Variants in RBFOX1 observed in about 807,000 individuals in gnomAD.
RBFOX1 encodes RNA binding fox-1 homolog 1.
In RBFOX1, 8 loss-of-function variants were observed where a neutral mutation model predicts 57.7. That is an observed-to-expected ratio of 0.14 (90% confidence interval 0.08 to 0.25). The LOEUF is 0.25. Ranked by LOEUF, RBFOX1 falls within the 10% of genes least tolerant of loss-of-function variation. RBFOX1 has a pLI of 1.00. For synonymous variants in RBFOX1, 326 were observed against 222.4 expected (o/e 1.47, Z -4.15); for missense variants, 611 against 548.5 (o/e 1.11, Z -1.14).
Position 7,504,746 on chromosome 16 carries a change from TATA to T in RBFOX1, c.28-13400_28-13398del, listed in dbSNP as rs2072425592. On this transcript the variant is annotated intron_variant, in intron 4 of 15. Transcript: ENST00000550418. ...ATATATATATATATATATATATATA[TATA>T]TATATTTATATATATATATATTTAT... Among the ~76,000 whole-genome samples, 2 of 13,910 alleles carry T rather than the reference TATA, an allele frequency of 1.4e-4. 1 individual carries two copies. The highest frequency in any genetic ancestry group is 4.4e-4 in the African/African-American group (2 of 4,570). The allele number at this position is 13,910 out of a possible 152,430, so 9.1% of individuals were successfully genotyped here.
At chr16:6,739,664 G>T (rs1488900026) in intron 3 of RBFOX1, among the ~76,000 whole-genome samples, 1 of 152,096 alleles carries the variant, frequency 6.6e-6, no homozygotes, top group African/African-American at 2.4e-5. Context: ...ATCACATGAG[G>T]TCACGAGTTC....
intron 4 of RBFOX1, among the ~76,000 whole-genome samples, chr16:7,307,670 G>T (rs550061908): frequency 3.9e-5 from 6 of 152,242 alleles, no homozygotes; most frequent in South Asian, 4.1e-4. Flanking sequence ...ATGCTAAATA[G>T]TTTTTTTGGC....
intron 3 of RBFOX1, among the ~76,000 whole-genome samples, chr16:6,867,858 G>C (rs771036742): frequency 8.5e-5 from 13 of 152,132 alleles, no homozygotes; most frequent in Non-Finnish European, 1.5e-4. Flanking sequence ...GCTGACAGGT[G>C]TCCCAGTTTC....
At position 5,919,665 on chromosome 16, in the gene RBFOX1, T is replaced by C. The variant is rs188300774; in HGVS notation, c.351+52330T>C. Among the ~76,000 whole-genome samples, 10 of 152,170 alleles carry C rather than the reference T, an allele frequency of 6.6e-5. No homozygotes were observed. The East Asian group carries it at 1.7e-3, about 27-fold the overall frequency. On this transcript the variant is annotated intron_variant, in intron 4 of 19. Coordinates refer to the RBFOX1 transcript ENST00000641259. Reference sequence around the variant, plus strand: ...AGTTAACCATTTTAAAGCGTATAATTCCATGGTATTTAGTGCATTCACAAG... The same window carrying C: ...AGTTAACCATTTTAAAGCGTATAATCCCATGGTATTTAGTGCATTCACAAG...
intron 2 of RBFOX1, among the ~76,000 whole-genome samples, chr16:5,535,843 G>C (rs977306185): frequency 6.6e-6 from 1 of 152,196 alleles, no homozygotes; most frequent in Non-Finnish European, 1.5e-5. Flanking sequence ...AGACATTTCT[G>C]AGATACTATC....
In RBFOX1 at chr16:6,029,751, C is replaced by T. The variant is rs540475935; in HGVS notation, c.-127+9759C>T. Among the ~76,000 whole-genome samples, 119 of 115,094 alleles carry T rather than the reference C, an allele frequency of 1.0e-3. No homozygotes were observed. In the South Asian group the frequency reaches 0.014, roughly 14 times the overall value. The allele number at this position is 115,094 out of a possible 152,430, so 75.5% of individuals were successfully genotyped here. On this transcript the variant is annotated intron_variant, in intron 1 of 15. Transcript: ENST00000550418. ...TCGCGCCACTGTACTCCAGCCTGGG[C>T]GACAGATCGAGACTCCGTCTCAAAA...
At chr16:5,478,234 T>C (rs1282067953) in intron 2 of RBFOX1, among the ~76,000 whole-genome samples, 1 of 152,110 alleles carries the variant, frequency 6.6e-6, no homozygotes, top group Admixed American at 6.5e-5. Flanking sequence ...CGAAGGGAGT[T>C]TGATTTCTAA....
intron 3 of RBFOX1, among the ~76,000 whole-genome samples, chr16:5,743,692 A>G (rs1172069015): frequency 6.6e-6 from 1 of 152,180 alleles, no homozygotes; most frequent in Non-Finnish European, 1.5e-5. Flanking sequence ...ATCACTTAAA[A>G]CGAGATCTGC....
rs541936286 is a variant in RBFOX1 at position 6,049,102 on chromosome 16, G to A, written c.-127+29110G>A. The stretch of plus-strand genomic sequence containing the variant: ...TTTTTTGAGACAGTCTCACTCTGTC[G>A]CCCAGGCTGGAGTGCAATGGCATGA... On this transcript the variant is annotated intron_variant, in intron 1 of 15. Coordinates refer to ENST00000550418, the MANE Select transcript of RBFOX1 (RefSeq NM_018723.4). Among the ~76,000 whole-genome samples the A allele has an allele frequency of 4.0e-5, 5 of 125,990 alleles. No individual in the cohort carries two copies. In the East Asian group the frequency reaches 9.6e-4, roughly 24 times the overall value. The allele number at this position is 125,990 out of a possible 152,430, so 82.7% of individuals were successfully genotyped here. A position where few individuals can be genotyped will look rare whatever the true frequency, so the allele number is the denominator to read the frequency against.
intron 3 of RBFOX1, among the ~76,000 whole-genome samples, chr16:5,806,354 G>T (rs910855634): frequency 6.6e-6 from 1 of 152,192 alleles, no homozygotes; most frequent in Non-Finnish European, 1.5e-5. Context: ...TCCCCACATG[G>T]TGGATGGGGC....
intron 3 of RBFOX1, among the ~76,000 whole-genome samples, chr16:6,996,649 A>G (rs1377871836): frequency 1.3e-5 from 2 of 152,176 alleles, no homozygotes; most frequent in Non-Finnish European, 2.9e-5. Context: ...CAAAGAAGCT[A>G]ATTAGTTTGT....
intron 2 of RBFOX1, among the ~76,000 whole-genome samples, chr16:6,367,751 A>AAAC (rs2089865246): frequency 6.6e-6 from 1 of 151,374 alleles, no homozygotes; most frequent in Non-Finnish European, 1.5e-5. Flanking sequence ...CAATTGTTAA[A>AAAC]AAAAAAAAAA....
At chr16:7,633,677 T>C (rs1384753634) in intron 11 of RBFOX1, among the ~76,000 whole-genome samples, 2 of 152,194 alleles carry the variant, frequency 1.3e-5, no homozygotes, top group Non-Finnish European at 2.9e-5. Context: ...TCAATCTCGA[T>C]TAGTATTTTG....
At chr16:6,753,037 T>G (rs1322524971) in intron 3 of RBFOX1, among the ~76,000 whole-genome samples, 1 of 151,814 alleles carries the variant, frequency 6.6e-6, no homozygotes, top group Admixed American at 6.6e-5. Flanking sequence ...TATTGTAACT[T>G]TTTCATAGTG....
intron 4 of RBFOX1, among the ~76,000 whole-genome samples, chr16:7,112,935 A>G (rs1212613384): frequency 6.6e-6 from 1 of 152,158 alleles, no homozygotes; most frequent in Non-Finnish European, 1.5e-5. Context: ...TGAAATCAGA[A>G]AGCATATCTG....
intron 4 of RBFOX1, among the ~76,000 whole-genome samples, chr16:5,989,843 A>AACACACACACACACACACAC (rs199624083): frequency 9.7e-5 from 2 of 20,718 alleles, no homozygotes; most frequent in African/African-American, 2.2e-4. Context: ...AACACCCCCT[A>AACACACACACACACACACAC]ACACACACAC....
chr16:5,527,768 G>A (rs1369071086), intron 2 of RBFOX1, among the ~76,000 whole-genome samples: 3 of 152,130 alleles, frequency 2.0e-5, no homozygotes, highest in African/African-American at 7.2e-5. Flanking sequence ...TTGCATCTAA[G>A]GGACGATCTT....
At chr16:5,246,037 A>G (rs1311797003) in intron 1 of RBFOX1, among the ~76,000 whole-genome samples, 2 of 152,176 alleles carry the variant, frequency 1.3e-5, no homozygotes. Context: ...CAAGGGCAGG[A>G]GTTCAAGACC....
chr16:7,394,235 C>CA (rs59934126), intron 4 of RBFOX1, among the ~76,000 whole-genome samples: 790 of 55,036 alleles, frequency 0.014, 62 homozygotes, highest in African/African-American at 0.017. Context: ...GACTCCGCAT[C>CA]AAAAAAAAAA....
Sources: gnomAD v4.1 joint callset for allele counts (sites outside exome capture counted in the v4.1 genomes callset) on GRCh38, gnomAD v4.1.1 for gene constraint, MANE v1.5 for transcripts, NCBI Gene and HGNC (gene_info 2026-07-23, HGNC 2026-07-21) for gene names.